Variants in HS1BP3 observed in about 807,000 individuals in gnomAD.
The protein encoded by HS1BP3 is HCLS1 binding protein 3.
Under a neutral mutation model 33.5 loss-of-function variants are expected in HS1BP3, and 32 were observed. The observed-to-expected ratio is 0.95, with a 90% confidence interval of 0.72 to 1.28. HS1BP3 has a LOEUF of 1.28. Ranked by LOEUF, HS1BP3 falls within the 50% of genes most tolerant of loss-of-function variation. The pLI is 0.00. For missense variants in HS1BP3, 486 were observed against 502.3 expected, an observed-to-expected ratio of 0.97 and a Z score of 0.31; for synonymous variants, 187 against 209.2, an observed-to-expected ratio of 0.89 and a Z score of 0.92.
intron 2 of HS1BP3, among the ~76,000 whole-genome samples, chr2:20,602,818 T>C (rs1043179265): frequency 2.6e-5 from 4 of 152,240 alleles, no homozygotes; most frequent in Non-Finnish European, 5.9e-5. Flanking sequence ...AGAAAATATT[T>C]GCAAATTATA....
intron 5 of HS1BP3, among the ~76,000 whole-genome samples, chr2:20,572,670 C>CT (rs1206454567): frequency 6.6e-6 from 1 of 152,180 alleles, no homozygotes; most frequent in Non-Finnish European, 1.5e-5. Context: ...CATGGAAGGT[C>CT]TTCAATAAAT....
At chr2:20,603,933 G>A in intron 2 of HS1BP3, among the ~76,000 whole-genome samples, 1 of 150,972 alleles carries the variant, frequency 6.6e-6, no homozygotes, top group South Asian at 2.1e-4. Context: ...AGACAGCTAT[G>A]CCTGATGCCC....
At chr2:20,642,758 A>G (rs1356687779) in intron 2 of HS1BP3, among the ~76,000 whole-genome samples, 1 of 152,238 alleles carries the variant, frequency 6.6e-6, no homozygotes, top group Non-Finnish European at 1.5e-5. Context: ...GGGCATCTGC[A>G]CCAGCAACAA....
At chr2:20,569,345 GC>G (rs1291365410) in intron 5 of HS1BP3, among the ~76,000 whole-genome samples, 6 of 152,176 alleles carry the variant, frequency 3.9e-5, no homozygotes, top group Non-Finnish European at 8.8e-5. Context: ...AGCTGCTGGG[GC>G]TTTTGTTGTT....
chr2:20,616,204 G>C (rs896736), downstream of HS1BP3, among the ~76,000 whole-genome samples: 36,063 of 152,218 alleles, frequency 0.24, 5,079 homozygotes, highest in Non-Finnish European at 0.32. Context: ...AATGGCCAAA[G>C]TGCCTGTCCT....
chr2:20,622,247 C>G, intron 6 of HS1BP3: 1 of 1,302,930 alleles, frequency 7.7e-7, no homozygotes, highest in Non-Finnish European at 1.0e-6. Context: ...AGTCACAGGG[C>G]AGACACAAAG....
Position 20,571,269 on chromosome 2 carries a change from C to T in HS1BP3, c.303-10754G>A, listed in dbSNP as rs374271730. The stretch of plus-strand genomic sequence containing the variant: ...CTTTCCCCCAGCCTTGCTCCCTCTG[C>T]GTTTTTCCACCCTGGCCTAGGCTGG... On this transcript the variant is annotated intron_variant, in intron 5 of 5. Transcript: ENST00000446825. Among the ~76,000 whole-genome samples the T allele has an allele frequency of 4.9e-4, 75 of 152,272 alleles. No individual in the cohort carries two copies. The South Asian group carries it at 0.014, about 29-fold the overall frequency.
At chr2:20,605,332 C>A (rs1450273748) in intron 2 of HS1BP3, among the ~76,000 whole-genome samples, 1 of 152,192 alleles carries the variant, frequency 6.6e-6, no homozygotes, top group Non-Finnish European at 1.5e-5. Flanking sequence ...TCACCCTCAC[C>A]CCTCATCATC....
At chr2:20,593,792 T>C (rs1226771710) in intron 3 of HS1BP3, among the ~76,000 whole-genome samples, 2 of 152,180 alleles carry the variant, frequency 1.3e-5, no homozygotes, top group Non-Finnish European at 2.9e-5. Context: ...TGCTGGTCCC[T>C]GGAGCCGCCA....
intron 3 of HS1BP3, chr2:20,640,632 G>A (rs1695308160): frequency 2.0e-6 from 1 of 505,024 alleles, no homozygotes; most frequent in East Asian, 2.9e-5. Context: ...GGGAGTGTGG[G>A]GTGTGTGTCA....
chr2:20,573,219 T>C (rs144495267), intron 5 of HS1BP3, among the ~76,000 whole-genome samples: 38 of 152,180 alleles, frequency 2.5e-4, no homozygotes, highest in Non-Finnish European at 4.1e-4. Flanking sequence ...TAGGTCTACA[T>C]GCCCGGAGCC....
chr2:20,617,538 A>G (rs1694456328), downstream of HS1BP3, among the ~76,000 whole-genome samples: 2 of 152,162 alleles, frequency 1.3e-5, no homozygotes, highest in South Asian at 4.1e-4. Context: ...TGCAGGACAG[A>G]GCAGACAGGT....
chr2:20,622,239 T>C, intron 6 of HS1BP3: 8 of 1,301,872 alleles, frequency 6.1e-6, no homozygotes, highest in Non-Finnish European at 8.1e-6. Context: ...CCCTGGATAG[T>C]CACAGGGCAG....
intron 5 of HS1BP3, among the ~76,000 whole-genome samples, chr2:20,624,472 G>C (rs1056583738): frequency 6.6e-6 from 1 of 152,198 alleles, no homozygotes; most frequent in African/African-American, 2.4e-5. Context: ...AGGCGACACA[G>C]AGTCCCATTA....
rs150771714 is a variant in HS1BP3 at position 20,646,402 on chromosome 2, G to A, written c.33-897C>T. ...TCTGGGGCAAGGCCCTTCCCTCTCT[G>A]GAATTATACCCCAATCCATCAAATC... On this transcript the variant is annotated intron_variant, in intron 1 of 6. Coordinates refer to ENST00000304031, the MANE Select transcript of HS1BP3 (RefSeq NM_022460.4). Among the ~76,000 whole-genome samples, 640 of 152,260 alleles carry A rather than the reference G, an allele frequency of 4.2e-3. 6 individuals are homozygous for A. Among genetic ancestry groups the A allele is most frequent in the African/African-American group, 0.015 (627 of 41,542 alleles).
intron 2 of HS1BP3, among the ~76,000 whole-genome samples, chr2:20,603,785 C>T (rs938616312): frequency 3.9e-5 from 6 of 152,202 alleles, no homozygotes; most frequent in African/African-American, 1.4e-4. Flanking sequence ...TGGAAGCCAC[C>T]ATGCTTGGCC....
intron 4 of HS1BP3, among the ~76,000 whole-genome samples, chr2:20,633,008 CA>C (rs1695014096): frequency 6.6e-6 from 1 of 152,358 alleles, no homozygotes; most frequent in East Asian, 1.9e-4. Flanking sequence ...TAACATTTTA[CA>C]AAGGAACTTT....
At chr2:20,645,861 C>T (rs908126072) in intron 1 of HS1BP3, among the ~76,000 whole-genome samples, 5 of 152,240 alleles carry the variant, frequency 3.3e-5, no homozygotes, top group African/African-American at 1.2e-4. Flanking sequence ...AAGGAACATG[C>T]CTGGGGCTGC....
intron 5 of HS1BP3, among the ~76,000 whole-genome samples, chr2:20,624,480 T>C (rs896551636): frequency 1.3e-5 from 2 of 152,110 alleles, no homozygotes; most frequent in Admixed American, 1.3e-4. Context: ...CAGAGTCCCA[T>C]TAAATCCAAA....
Sources: allele counts gnomAD v4.1 joint callset (sites outside exome capture counted in the v4.1 genomes callset), GRCh38; gene constraint gnomAD v4.1.1; transcripts MANE v1.5; gene names NCBI Gene and HGNC (gene_info 2026-07-23, HGNC 2026-07-21).